The following HMGN2 variants were observed in gnomAD, a reference collection of about 807,000 sequenced individuals.
HMGN2 encodes non-histone chromosomal protein HMG-17.
In HMGN2, 2 loss-of-function variants were observed where a neutral mutation model predicts 16.9. The observed-to-expected ratio is 0.12, with a 90% CI of 0.05 to 0.37. The LOEUF is 0.37. Ranked by LOEUF, HMGN2 falls within the 10% of genes least tolerant of loss-of-function variation. The pLI is 1.00. For synonymous variants in HMGN2, 31 were observed against 34.9 expected, an observed-to-expected ratio of 0.89 and a Z score of 0.39; for missense variants, 90 against 106.0, an observed-to-expected ratio of 0.85 and a Z score of 0.66.
At chr1:26,473,770 A>G (rs377169512) in intron 3 of HMGN2, 38 bp downstream of exon 3, 32 of 1,593,272 alleles carry the variant, frequency 2.0e-5, no homozygotes, top group Non-Finnish European at 2.8e-5. Flanking sequence ...CTTGTCCCTG[A>G]AACTAAAAAA....
intron 1 of HMGN2, chr1:26,473,215 A>G (rs962008163): frequency 8.3e-6 from 4 of 480,654 alleles, no homozygotes; most frequent in Middle Eastern, 5.7e-4. Context: ...TGTTTGCGCC[A>G]TCTGCAGCTG....
At position 26,473,544 on chromosome 1, in the gene HMGN2, T is replaced by TC. The variant is rs2124569893; in HGVS notation, c.60+18dup. On this transcript the variant is annotated intron_variant, in intron 2 of 5. Coordinates refer to ENST00000361427, the MANE Select transcript of HMGN2 (RefSeq NM_005517.4). ...AAGGACGAAGTAAGTCATTCTCTCTTCAAGGGTCAAAGCCTTGGACTAGCA... is the reference window on the plus strand; with the variant it reads ...AAGGACGAAGTAAGTCATTCTCTCTTCCAAGGGTCAAAGCCTTGGACTAGCA... 6.2e-7 allele frequency: 1 copy of TC among 1,606,160 alleles called. No homozygotes were observed. Among genetic ancestry groups the TC allele is most frequent in the East Asian group, 2.2e-5 (1 of 44,838 alleles).
chr1:26,476,362 TAGACTC>T lies in HMGN2; in HGVS notation c.*1216_*1221del, dbSNP rs1282849460. On this transcript the variant is annotated 3_prime_UTR_variant, in exon 6 of 6. Transcript: ENST00000361427. ...AACTTCTATAAAATTAGCAAATTAA[TAGACTC>T]ATGTCAGAGAGTGTCTCTGTGAATG... Among the ~76,000 whole-genome samples, 3 of 152,230 alleles carry T rather than the reference TAGACTC, an allele frequency of 2.0e-5. No homozygotes were observed. The highest frequency in any genetic ancestry group is 2.9e-5 in the Non-Finnish European group (2 of 68,040).
intron 1 of HMGN2, chr1:26,473,229 C>CTCCT (rs2075587011): frequency 1.9e-6 from 1 of 523,944 alleles, no homozygotes; most frequent in African/African-American, 2.0e-5. Flanking sequence ...GCAGCTGTTG[C>CTCCT]TCCTGCCTGT....
chr1:26,472,984 GGCGCTCGGGGTTGGCGGGCGGGGGAAA>G (rs1420344768), intron 1 of HMGN2, among the ~76,000 whole-genome samples: 28 of 151,906 alleles, frequency 1.8e-4, no homozygotes, highest in Admixed American at 3.9e-4. Flanking sequence ...GCGGGAAGGC[GGCGCTCGGGGTTGGCGGGCGGGGGAAA>G]GCGCTGCCGC....
Position 26,474,041 on chromosome 1 carries a change from A to G in HMGN2, c.91-44A>G, listed in dbSNP as rs746295441. The G allele has an allele frequency of 7.1e-6, 11 of 1,546,476 alleles. No homozygotes were observed. In the East Asian group the frequency reaches 1.8e-4, roughly 25 times the overall value. ...GGTTGTGGGTGGTTTTCTTCAGTCC[A>G]TTGTACTGATGTTCACTTTTTCCTC... On this transcript the variant is annotated intron_variant, in intron 3 of 5. Coordinates refer to ENST00000361427, the MANE Select transcript of HMGN2 (RefSeq NM_005517.4).
chr1:26,475,272 T>C lies in HMGN2; in HGVS notation c.*124T>C, dbSNP rs1246202604. The C allele has an allele frequency of 2.8e-5, 18 of 635,678 alleles. No individual in the cohort carries two copies. The highest frequency in any genetic ancestry group is 4.6e-5 in the Non-Finnish European group (17 of 368,650). 39.4% of individuals were successfully genotyped at this position (635,678 alleles called of 1,614,324 possible). On this transcript the variant is annotated 3_prime_UTR_variant, in exon 6 of 6. Coordinates refer to ENST00000361427, the MANE Select transcript of HMGN2 (RefSeq NM_005517.4). ...TTTTTTTTTTTTTTTAAAAGCTATG[T>C]TGTTAGCACACAGAACACTTCATTG...
intron 1 of HMGN2, chr1:26,473,137 G>A: frequency 3.4e-6 from 1 of 297,894 alleles, no homozygotes; most frequent in Non-Finnish European, 6.3e-6. Context: ...CGGGCTGCGC[G>A]CGCCTCCCTC....
intron 1 of HMGN2, chr1:26,473,160 C>T (rs1479154710): frequency 5.8e-6 from 2 of 344,018 alleles, no homozygotes; most frequent in African/African-American, 2.2e-5. Context: ...CCGCCCTCGA[C>T]GGCTGCCATA....
chr1:26,475,024 CCTGGGAGCAAAGTGATG>C (rs2075598793), intron 5 of HMGN2, 72 bp from the exon 6 acceptor site: 1 of 1,085,746 alleles, frequency 9.2e-7, no homozygotes, highest in Non-Finnish European at 1.4e-6. Context: ...TGAACTTTGG[CCTGGGAGCAAAGTGATG>C]CTGTAGGTGG....
At chr1:26,474,051 T>G (rs957218811) in intron 3 of HMGN2, 34 bp from the exon 4 acceptor site, 2 of 1,587,386 alleles carry the variant, frequency 1.3e-6, no homozygotes, top group African/African-American at 2.7e-5. Flanking sequence ...ATTGTACTGA[T>G]GTTCACTTTT....
Position 26,474,683 on chromosome 1 carries a change from C to T in HMGN2, c.237+16C>T, listed in dbSNP as rs1286055775. The T allele has an allele frequency of 6.6e-6, 8 of 1,219,900 alleles. No homozygotes were observed. Among genetic ancestry groups the T allele is most frequent in the Admixed American group, 3.5e-5 (2 of 57,384 alleles). 75.6% of individuals were successfully genotyped at this position (1,219,900 alleles called of 1,614,324 possible). A position where few individuals can be genotyped will look rare whatever the true frequency, so the allele number is the denominator to read the frequency against. ...AACAGACCAGGTATAACTGCTGTTTCACCCTTTGTTAGATTTGTTCATTCA... is the reference window on the plus strand; with the variant it reads ...AACAGACCAGGTATAACTGCTGTTTTACCCTTTGTTAGATTTGTTCATTCA... On this transcript the variant is annotated intron_variant, in intron 5 of 5. Transcript: ENST00000361427.
In HMGN2 at chr1:26,475,854, G is replaced by A. The variant is rs2075605147; in HGVS notation, c.*706G>A. 6 of 295,562 alleles carry A rather than the reference G, an allele frequency of 2.0e-5. 1 individual carries two copies. The highest frequency in any genetic ancestry group is 1.3e-4 in the South Asian group (5 of 38,624). 18.3% of individuals were successfully genotyped at this position (295,562 alleles called of 1,614,324 possible). On this transcript the variant is annotated 3_prime_UTR_variant, in exon 6 of 6. Transcript: ENST00000361427. ...TTCTGATTTTTGGTAGTCCATTGAAGAAGGGAGTTTGAAAGTTGTTGTATA... is the reference window on the plus strand; with the variant it reads ...TTCTGATTTTTGGTAGTCCATTGAAAAAGGGAGTTTGAAAGTTGTTGTATA...
intron 1 of HMGN2, among the ~76,000 whole-genome samples, chr1:26,472,902 C>T (rs570939902): frequency 6.6e-6 from 1 of 152,112 alleles, no homozygotes; most frequent in African/African-American, 2.4e-5. Flanking sequence ...CGCCCCCGCC[C>T]CGTGCCCCCT....
At chr1:26,474,494 C>G (rs1471230226) in intron 4 of HMGN2, 78 bp from the exon 5 acceptor site, 2 of 744,632 alleles carry the variant, frequency 2.7e-6, no homozygotes, top group Non-Finnish European at 4.8e-6. Context: ...AACAATCCTA[C>G]CTTGTGCAGA....
chr1:26,473,757 G>C (rs990022698), intron 3 of HMGN2, 25 bp downstream of exon 3: 4 of 1,611,272 alleles, frequency 2.5e-6, no homozygotes, highest in African/African-American at 2.7e-5. Context: ...TTGAATTTTC[G>C]TGCTTGTCCC....
rs1358660728 is a variant in HMGN2, at chr1:26,476,365, ACT to A, written c.*1219_*1220del. 9.2e-5 allele frequency among the ~76,000 whole-genome samples: 14 copies of A among 152,184 alleles called. No homozygotes were observed. The highest frequency in any genetic ancestry group is 7.8e-4 in the Admixed American group (12 of 15,288). On this transcript the variant is annotated 3_prime_UTR_variant, in exon 6 of 6. Coordinates refer to ENST00000361427, the MANE Select transcript of HMGN2 (RefSeq NM_005517.4). ...TTCTATAAAATTAGCAAATTAATAG[ACT>A]CATGTCAGAGAGTGTCTCTGTGAAT...
Position 26,474,184 on chromosome 1 carries a change from C to T in HMGN2, c.141+49C>T, listed in dbSNP as rs748272873. ...TCATTTTCACAGAATGAGGACTGTCCTTAGTGCCTTAACTTAATTAGCATA... is the reference window on the plus strand; with the variant it reads ...TCATTTTCACAGAATGAGGACTGTCTTTAGTGCCTTAACTTAATTAGCATA... On this transcript the variant is annotated intron_variant, in intron 4 of 5. Transcript: ENST00000361427. 23 of 1,369,436 alleles carry T rather than the reference C, an allele frequency of 1.7e-5. 1 individual carries two copies. The highest frequency in any genetic ancestry group is 2.3e-5 in the East Asian group (1 of 43,698). 84.8% of individuals were successfully genotyped at this position (1,369,436 alleles called of 1,614,324 possible). A position where few individuals can be genotyped will look rare whatever the true frequency, so the allele number is the denominator to read the frequency against.
rs2075600495 is a variant in HMGN2, at chr1:26,475,284, A to G, written c.*136A>G. The G allele has an allele frequency of 5.2e-6, 3 of 577,298 alleles. No homozygotes were observed. Among genetic ancestry groups the G allele is most frequent in the Non-Finnish European group, 6.1e-6 (2 of 327,768 alleles). 35.8% of individuals were successfully genotyped at this position (577,298 alleles called of 1,614,324 possible). On this transcript the variant is annotated 3_prime_UTR_variant, in exon 6 of 6. Coordinates refer to ENST00000361427, the MANE Select transcript of HMGN2 (RefSeq NM_005517.4). ...TTTAAAAGCTATGTTGTTAGCACAC[A>G]GAACACTTCATTGTTGTTTTTGGGG...
Sources: gnomAD v4.1 joint callset for allele counts (sites outside exome capture counted in the v4.1 genomes callset) on GRCh38, gnomAD v4.1.1 for gene constraint, MANE v1.5 for transcripts, NCBI Gene and HGNC (gene_info 2026-07-23, HGNC 2026-07-21) for gene names.